The following POLR2G variants were observed in gnomAD, a reference collection of about 807,000 sequenced individuals.
The protein encoded by POLR2G is DNA-directed RNA polymerase II subunit RPB7.
POLR2G carries 19 observed loss-of-function variants against 25.7 expected under a neutral mutation model. The ratio of observed to expected loss-of-function variants is 0.74; its 90% CI spans 0.52 to 1.08. POLR2G has a LOEUF of 1.08. Among genes scored for constraint, POLR2G ranks in the 50% least tolerant of loss-of-function variants. POLR2G has a pLI of 0.00. For synonymous variants in POLR2G, 79 were observed against 76.0 expected, an observed-to-expected ratio of 1.04 and a Z score of -0.21; for missense variants, 123 against 218.5, an observed-to-expected ratio of 0.56 and a Z score of 2.76.
intron 2 of POLR2G, 79 bp from the exon 3 acceptor site, chr11:62,762,788 A>G: frequency 8.3e-7 from 1 of 1,200,870 alleles, no homozygotes; most frequent in South Asian, 1.4e-5. Flanking sequence ...TACCCCCAAG[A>G]GCTCAGCGAC....
chr11:62,764,829 C>CT (rs2084106685), intron 3 of POLR2G, among the ~76,000 whole-genome samples: 1 of 151,578 alleles, frequency 6.6e-6, no homozygotes, highest in Non-Finnish European at 1.5e-5. Flanking sequence ...AAACACAACA[C>CT]TTGAGGGGAC....
intron 3 of POLR2G, 38 bp downstream of exon 3, chr11:62,763,064 T>G: frequency 6.9e-7 from 1 of 1,455,844 alleles, no homozygotes. Context: ...GGGTAGTCTC[T>G]CGGAAGATCT....
intron 6 of POLR2G, among the ~76,000 whole-genome samples, chr11:62,765,932 C>T (rs912030940): frequency 2.0e-5 from 3 of 151,832 alleles, no homozygotes; most frequent in East Asian, 1.9e-4. Context: ...GGACTACAGG[C>T]GCCCGCCACC....
chr11:62,765,789 C>CTTTTT, intron 6 of POLR2G, 65 bp downstream of exon 6: 1 of 730,594 alleles, frequency 1.4e-6, no homozygotes, highest in Non-Finnish European at 2.3e-6. Context: ...TTTCTTTTTT[C>CTTTTT]TTTTTTTTTT....
Sources: allele counts gnomAD v4.1 joint callset (sites outside exome capture counted in the v4.1 genomes callset), GRCh38; gene constraint gnomAD v4.1.1; transcripts MANE v1.5; gene names NCBI Gene and HGNC (gene_info 2026-07-23, HGNC 2026-07-21).